MEGF6: variants seen among roughly 807,000 people sequenced by gnomAD.
The protein encoded by MEGF6 is multiple EGF like domains 6.
MEGF6 carries 184 observed loss-of-function variants against 207.1 expected under a neutral mutation model. That is an observed-to-expected ratio of 0.89 (90% CI 0.79 to 1.00). MEGF6 has a LOEUF of 1.00. Among genes scored for constraint, MEGF6 ranks in the 50% least tolerant of loss-of-function variants. The pLI, the probability that MEGF6 is intolerant of heterozygous loss-of-function variation, is 0.00. For missense variants in MEGF6, 2,282 were observed against 2,202.9 expected (o/e 1.04, Z -0.72); for synonymous variants, 1,038 against 910.0 (o/e 1.14, Z -2.53).
chr1:3,538,612 C>T (rs1329938261), intron 4 of MEGF6, among the ~76,000 whole-genome samples: 3 of 151,944 alleles, frequency 2.0e-5, no homozygotes, highest in East Asian at 1.9e-4. Flanking sequence ...CTGAGGGAGG[C>T]ATCAGACTCC....
Position 3,594,810 on chromosome 1 carries a change from C to G in MEGF6, c.376+528G>C, listed in dbSNP as rs1029304601. Among the ~76,000 whole-genome samples the G allele has an allele frequency of 1.3e-5, 2 of 152,306 alleles. No homozygotes were observed. Among genetic ancestry groups the G allele is most frequent in the East Asian group, 1.9e-4 (1 of 5,180 alleles). Reference sequence around the variant, plus strand: ...ACATCAGCACCTGCCCGGGTCAGGTCGTATGCAGCACGGGCCTCTCCAATT... The same window carrying G: ...ACATCAGCACCTGCCCGGGTCAGGTGGTATGCAGCACGGGCCTCTCCAATT... On this transcript the variant is annotated intron_variant, in intron 3 of 36. Coordinates refer to ENST00000356575, the MANE Select transcript of MEGF6 (RefSeq NM_001409.4). This position sits in a 1 kb window ranked among gnomAD's most constrained non-coding sequence, Gnocchi z 4.2.
At chr1:3,492,126 C>A (rs968196012) in intron 35 of MEGF6, among the ~76,000 whole-genome samples, 8 of 152,080 alleles carry the variant, frequency 5.3e-5, no homozygotes, top group Admixed American at 1.3e-4. Flanking sequence ...GGACTGCGTG[C>A]GTGGACTGGC....
chr1:3,552,948 G>C (rs1156330633), intron 4 of MEGF6, among the ~76,000 whole-genome samples: 2 of 152,026 alleles, frequency 1.3e-5, no homozygotes, highest in Admixed American at 6.6e-5. Context: ...TCAGAGTTCA[G>C]GCTCAGTCCA....
chr1:3,615,730 AC>A (rs1441757029), upstream of MEGF6, among the ~76,000 whole-genome samples: 8 of 151,992 alleles, frequency 5.3e-5, no homozygotes, highest in Admixed American at 5.2e-4. Flanking sequence ...GGACCCACCC[AC>A]CTGGTCCCAG....
chr1:3,511,575 C>T lies in MEGF6; in HGVS notation c.1089G>A (p.Leu363=). 6.2e-7 allele frequency: 1 copy of T among 1,611,582 alleles called. No individual in the cohort carries two copies. The highest frequency in any genetic ancestry group is 8.5e-7 in the Non-Finnish European group (1 of 1,178,950). Reference sequence around the variant, plus strand: ...CGATGCAGGTCCTCTGATCTGTGTCCAGCTCGTAGCCGCGGGGACATGTGC... The same window carrying T: ...CGATGCAGGTCCTCTGATCTGTGTCTAGCTCGTAGCCGCGGGGACATGTGC... The part of the protein sequence containing the change: ...PLCTCPRGYE[L]DTDQRTCIDV... Residue 363 remains leucine (L), a synonymous_variant, in exon 9 of 37, where the codon CTG becomes CTA. Transcript: ENST00000356575.
At chr1:3,516,334 G>C (rs1198605409) in intron 5 of MEGF6, among the ~76,000 whole-genome samples, 3 of 152,240 alleles carry the variant, frequency 2.0e-5, no homozygotes, top group Admixed American at 6.5e-5. Flanking sequence ...GCGGGGGTTT[G>C]GTTACTGTCA....
chr1:3,554,370 C>T (rs1296925266), intron 4 of MEGF6, among the ~76,000 whole-genome samples: 3 of 152,114 alleles, frequency 2.0e-5, no homozygotes, highest in African/African-American at 7.2e-5. Flanking sequence ...GGGGACCCAG[C>T]CGGGCCAGGC....
intron 4 of MEGF6, among the ~76,000 whole-genome samples, chr1:3,524,554 G>A (rs933611530): frequency 1.2e-4 from 19 of 152,238 alleles, no homozygotes; most frequent in Admixed American, 7.9e-4. Context: ...GGGAGCGCAC[G>A]CGGTTTTCTT....
intron 4 of MEGF6, among the ~76,000 whole-genome samples, chr1:3,575,526 C>G (rs10909972): frequency 0.081 from 12,354 of 152,242 alleles, 554 homozygotes; most frequent in Middle Eastern, 0.13. Context: ...TGCTGACATA[C>G]CCTAGACTGG....
At chr1:3,589,595 T>C (rs192684043) in intron 3 of MEGF6, among the ~76,000 whole-genome samples, 22 of 152,292 alleles carry the variant, frequency 1.4e-4, no homozygotes, top group East Asian at 3.9e-4. Flanking sequence ...CTCCGTAGCA[T>C]TTCTCACTGG....
At chr1:3,557,806 G>T (rs2101624325) in intron 4 of MEGF6, among the ~76,000 whole-genome samples, 1 of 152,342 alleles carries the variant, frequency 6.6e-6, no homozygotes, top group Non-Finnish European at 1.5e-5. Context: ...GCGGCCCGTG[G>T]GCAGACGTCG....
intron 17 of MEGF6, 67 bp from the exon 18 acceptor site, chr1:3,501,988 C>CA (rs1390823559): frequency 1.1e-5 from 16 of 1,521,730 alleles, no homozygotes; most frequent in Non-Finnish European, 1.2e-5. Flanking sequence ...GCCTTTCCCC[C>CA]AGGGGCTCCT....
chr1:3,521,835 G>C (rs974895018), intron 5 of MEGF6, among the ~76,000 whole-genome samples: 2 of 152,196 alleles, frequency 1.3e-5, no homozygotes, highest in East Asian at 1.9e-4. Flanking sequence ...GACAAGGGGG[G>C]ACAACATGCC....
At chr1:3,514,792 G>A (rs1641480712) in intron 6 of MEGF6, 120 bp from the exon 7 acceptor site, 1 of 1,174,018 alleles carries the variant, frequency 8.5e-7, no homozygotes, top group Non-Finnish European at 1.2e-6. Flanking sequence ...TGTGCTCCAG[G>A]CTGATGGGCT....
rs1399188299 is a variant in MEGF6 at position 3,509,058 on chromosome 1, G to C, written c.1528+17C>G. On this transcript the variant is annotated intron_variant, in intron 12 of 36. Coordinates refer to ENST00000356575, the MANE Select transcript of MEGF6 (RefSeq NM_001409.4). ...GCCCTGCGAGCAGGAGCCCCCGGGG[G>C]CTGGGCCCGCGCTCACCAAACTTCT... The C allele has an allele frequency of 6.5e-7, 1 of 1,534,730 alleles. No homozygotes were observed.
chr1:3,578,701 C>T (rs1432514455), intron 4 of MEGF6, among the ~76,000 whole-genome samples: 1 of 113,036 alleles, frequency 8.8e-6, no homozygotes, highest in African/African-American at 2.8e-5. Context: ...CCTCCAGCAC[C>T]AACTGTCCGC....
chr1:3,609,845 G>C (rs1644301449), intron 1 of MEGF6, among the ~76,000 whole-genome samples: 2 of 152,194 alleles, frequency 1.3e-5, no homozygotes, highest in Admixed American at 1.3e-4. Context: ...TGGTGGCAGA[G>C]GCCCCTCGCA....
At chr1:3,499,552 C>A in intron 23 of MEGF6, 36 bp downstream of exon 23, 4 of 1,554,946 alleles carry the variant, frequency 2.6e-6, no homozygotes, top group Non-Finnish European at 3.5e-6. Context: ...GCACCCCCTC[C>A]TGCAGCACCC....
At chr1:3,545,100 C>G (rs941681019) in intron 4 of MEGF6, among the ~76,000 whole-genome samples, 1 of 152,154 alleles carries the variant, frequency 6.6e-6, no homozygotes, top group Non-Finnish European at 1.5e-5. Context: ...GCCCCCACCC[C>G]ATCAGTTACA....
Sources: allele counts gnomAD v4.1 joint callset (sites outside exome capture counted in the v4.1 genomes callset), GRCh38; gene constraint gnomAD v4.1.1; non-coding constraint Gnocchi (gnomAD v3.1); transcripts MANE v1.5; gene names NCBI Gene and HGNC (gene_info 2026-07-23, HGNC 2026-07-21).